Variants in MEIS2 observed in about 807,000 individuals in gnomAD.
MEIS2 encodes Meis homeobox 2.
Under a neutral mutation model 58.6 loss-of-function variants are expected in MEIS2, and 9 were observed. The ratio of observed to expected loss-of-function variants is 0.15; its 90% confidence interval spans 0.09 to 0.27. The LOEUF (loss-of-function observed/expected upper bound fraction) is 0.27. Ranked by LOEUF, MEIS2 falls within the 10% of genes least tolerant of loss-of-function variation. MEIS2 has a pLI of 1.00. For synonymous variants in MEIS2, 221 were observed against 228.4 expected, an observed-to-expected ratio of 0.97 and a Z score of 0.29; for missense variants, 427 against 635.0, an observed-to-expected ratio of 0.67 and a Z score of 3.52.
chr15:37,009,017 T>C (rs543494897), intron 8 of MEIS2, among the ~76,000 whole-genome samples: 14 of 152,308 alleles, frequency 9.2e-5, no homozygotes, highest in African/African-American at 2.2e-4. Flanking sequence ...GGGTCAGGCG[T>C]GGTGGCTTAC....
chr15:37,009,633 ATAT>A (rs2061059598), intron 8 of MEIS2, among the ~76,000 whole-genome samples: 4 of 152,242 alleles, frequency 2.6e-5, no homozygotes, highest in Admixed American at 2.6e-4. Flanking sequence ...TACGCTTCAA[ATAT>A]TATGAAGTCA....
At chr15:36,958,510 T>A (rs2059068906) in intron 8 of MEIS2, among the ~76,000 whole-genome samples, 1 of 152,162 alleles carries the variant, frequency 6.6e-6, no homozygotes, top group Admixed American at 6.5e-5. Flanking sequence ...ATGGCAGTGA[T>A]GGAATTAAGT....
chr15:37,038,640 TTC>T (rs1489574105), intron 7 of MEIS2, among the ~76,000 whole-genome samples: 2 of 152,212 alleles, frequency 1.3e-5, no homozygotes, highest in East Asian at 1.9e-4. Flanking sequence ...GAAGTTGCTG[TTC>T]TCTTTTTCTT....
At chr15:37,025,488 C>A (rs1400811827) in intron 8 of MEIS2, among the ~76,000 whole-genome samples, 2 of 151,982 alleles carry the variant, frequency 1.3e-5, no homozygotes, top group Non-Finnish European at 2.9e-5. Context: ...TTTATCAACA[C>A]AAAGAGTTAA....
chr15:36,946,136 C>T (rs1309752264), intron 9 of MEIS2, among the ~76,000 whole-genome samples: 1 of 151,852 alleles, frequency 6.6e-6, no homozygotes, highest in Non-Finnish European at 1.5e-5. Flanking sequence ...GTAATTTTAG[C>T]TTAAAGGATT....
At chr15:37,013,608 AT>A (rs1180103281) in intron 8 of MEIS2, among the ~76,000 whole-genome samples, 2 of 148,086 alleles carry the variant, frequency 1.4e-5, no homozygotes, top group East Asian at 3.9e-4. Flanking sequence ...AATATTGCTA[AT>A]ATATTACATA....
At chr15:37,002,665 T>C (rs966566814) in intron 8 of MEIS2, among the ~76,000 whole-genome samples, 1 of 152,142 alleles carries the variant, frequency 6.6e-6, no homozygotes, top group African/African-American at 2.4e-5. Flanking sequence ...ATAATTCATC[T>C]GTATTTTAGT....
At chr15:37,051,427 C>T (rs563824491) in intron 7 of MEIS2, among the ~76,000 whole-genome samples, 14 of 152,056 alleles carry the variant, frequency 9.2e-5, no homozygotes, top group African/African-American at 3.4e-4. Context: ...TACATAATGA[C>T]CAAAAGCAGA....
At chr15:37,063,019 AG>A (rs1160553134) in intron 7 of MEIS2, among the ~76,000 whole-genome samples, 2 of 152,164 alleles carry the variant, frequency 1.3e-5, no homozygotes, top group Non-Finnish European at 2.9e-5. Context: ...CAATACTTAC[AG>A]GGTGGATTTT....
intron 8 of MEIS2, among the ~76,000 whole-genome samples, chr15:36,976,291 G>A (rs146892733): frequency 0.057 from 8,583 of 151,694 alleles, 312 homozygotes; most frequent in African/African-American, 0.087. Flanking sequence ...TCACCATGTT[G>A]GCCAGGCTGG....
chr15:36,894,685 A>G, intron 11 of MEIS2: 2 of 1,490,302 alleles, frequency 1.3e-6, no homozygotes, highest in Non-Finnish European at 1.9e-6. Flanking sequence ...CTGAAGTGAT[A>G]GTGAAGACAG....
intron 7 of MEIS2, among the ~76,000 whole-genome samples, chr15:37,052,203 C>T (rs774909137): frequency 1.3e-5 from 2 of 152,120 alleles, no homozygotes; most frequent in Non-Finnish European, 2.9e-5. Flanking sequence ...ATAATATTAG[C>T]CCTTGCCAGC....
chr15:36,952,258 C>CA (rs149415751), intron 8 of MEIS2, among the ~76,000 whole-genome samples: 9 of 151,348 alleles, frequency 5.9e-5, no homozygotes, highest in Non-Finnish European at 8.8e-5. Context: ...GGGGCGGTGG[C>CA]AAAAAAAATG....
At position 37,096,348 on chromosome 15, in the gene MEIS2, C is replaced by T; in HGVS notation, c.328G>A (p.Gly110Ser). The T allele has an allele frequency of 6.2e-7, 1 of 1,613,920 alleles. No homozygotes were observed. Residue 110 changes from glycine (G) to serine (S), a missense_variant, in exon 3 of 12, where the codon GGC becomes AGC. By Grantham distance (56) the Gly-to-Ser change is moderately conservative (BLOSUM62 0). Around this residue, in one of 6 missense-constraint regions of MEIS2, gnomAD observed 138 missense variants for 263.0 expected, o/e 0.52. Coordinates refer to ENST00000561208, the MANE Select transcript of MEIS2 (RefSeq NM_170675.5). The part of the protein sequence containing the change: ...TCTPREPGVA[G>S]GDVCSSDSFN... The stretch of plus-strand genomic sequence containing the variant: ...GAGTCGGAGGAGCAGACGTCTCCGC[C>T]AGCCACTCCAGGTTCCCGGGGAGTG...
intron 8 of MEIS2, among the ~76,000 whole-genome samples, chr15:37,011,014 AAAC>A (rs2061130816): frequency 1.3e-5 from 2 of 152,228 alleles, no homozygotes; most frequent in South Asian, 4.1e-4. Context: ...AAATGAAACA[AAAC>A]AATAGTCTAT....
At chr15:37,099,110 CG>C in intron 1 of MEIS2, 1 of 1,030,720 alleles carries the variant, frequency 9.7e-7, no homozygotes, top group Non-Finnish European at 1.2e-6. Context: ...GCAGGAGAAC[CG>C]GGGGAATCGC....
intron 7 of MEIS2, among the ~76,000 whole-genome samples, chr15:37,046,892 G>A (rs2062698967): frequency 6.7e-6 from 1 of 150,258 alleles, no homozygotes; most frequent in Non-Finnish European, 1.5e-5. Flanking sequence ...TATATATATT[G>A]CTTACCAATT....
At position 36,917,942 on chromosome 15, in the gene MEIS2, T is replaced by A. The variant is rs558306194; in HGVS notation, c.978-21256A>T. On this transcript the variant is annotated intron_variant, in intron 9 of 11. Transcript: ENST00000561208. ...ATCTTCCTTCAAATGGTCTTCTGGT[T>A]CCCCTGGTTCATCTCCTTTCTCTTA... 3.2e-4 allele frequency among the ~76,000 whole-genome samples: 48 copies of A among 152,324 alleles called. 1 individual carries two copies. The highest frequency in any genetic ancestry group is 5.2e-4 in the Admixed American group (8 of 15,308).
chr15:36,927,223 C>T (rs1286200530), intron 9 of MEIS2, among the ~76,000 whole-genome samples: 2 of 152,020 alleles, frequency 1.3e-5, no homozygotes, highest in Non-Finnish European at 2.9e-5. Context: ...GGCTAGCCCC[C>T]CTGAAGATGA....
Sources: gnomAD v4.1 joint callset for allele counts (sites outside exome capture counted in the v4.1 genomes callset) on GRCh38, gnomAD v4.1.1 for gene constraint, gnomAD v4.1.1 regional missense constraint, MANE v1.5 for transcripts, NCBI Gene and HGNC (gene_info 2026-07-23, HGNC 2026-07-21) for gene names.